UNC93B1: variants seen among roughly 807,000 people sequenced by gnomAD.
UNC93B1 encodes the protein protein unc-93 homolog B1.
Under a neutral mutation model 56.8 loss-of-function variants are expected in UNC93B1, and 33 were observed. The ratio of observed to expected loss-of-function variants is 0.58; its 90% CI spans 0.44 to 0.78. UNC93B1 has a LOEUF of 0.78. Ranked by LOEUF, UNC93B1 falls within the 30% of genes least tolerant of loss-of-function variation. The pLI, the probability that UNC93B1 is intolerant of heterozygous loss-of-function variation, is 0.00. For synonymous variants in UNC93B1, 334 were observed against 358.6 expected, an observed-to-expected ratio of 0.93 and a Z score of 0.77; for missense variants, 673 against 819.5, an observed-to-expected ratio of 0.82 and a Z score of 2.18.
chr11:67,993,862 C>T, intron 9 of UNC93B1, 68 bp from the exon 10 acceptor site: 1 of 1,073,004 alleles, frequency 9.3e-7, no homozygotes, highest in South Asian at 1.3e-5. Flanking sequence ...ACCGAGCTAC[C>T]ATCTACGAAC....
At chr11:68,002,910 T>C in intron 3 of UNC93B1, 112 bp downstream of exon 3, 2 of 1,390,260 alleles carry the variant, frequency 1.4e-6, no homozygotes, top group Non-Finnish European at 1.9e-6. Context: ...ACCTCTCCCT[T>C]GTTCCCTCGC....
chr11:67,994,811 C>T lies in UNC93B1; in HGVS notation c.1363+800G>A, dbSNP rs375925282. ...GGCTACTCCACACCCCCAAGGATGA[C>T]GTTCAAAACTGTTCACAGCTTCGGC... On this transcript the variant is annotated intron_variant, in intron 9 of 10. Transcript: ENST00000227471. Among the ~76,000 whole-genome samples the T allele has an allele frequency of 3.7e-4, 56 of 152,340 alleles. 1 individual carries two copies. The East Asian group carries it at 6.6e-3, about 18-fold the overall frequency.
At chr11:67,996,364 C>A (rs1465401158) in intron 8 of UNC93B1, among the ~76,000 whole-genome samples, 1 of 151,942 alleles carries the variant, frequency 6.6e-6, no homozygotes, top group Non-Finnish European at 1.5e-5. Context: ...CTGTACCCCA[C>A]AAGGAACTAA....
chr11:67,996,901 C>A lies in UNC93B1; in HGVS notation c.907-117G>T, dbSNP rs1208898945. 1.3e-5 allele frequency: 17 copies of A among 1,283,876 alleles called. No homozygotes were observed. In the South Asian group the frequency reaches 2.7e-4, roughly 20 times the overall value. 79.5% of individuals were successfully genotyped at this position (1,283,876 alleles called of 1,614,324 possible). ...GCCTTGCCCCAGCTCGGCCCCGCCT[C>A]CCAAACCAGGGCCCCGCCCCTGAGA... On this transcript the variant is annotated intron_variant, in intron 7 of 10. Coordinates refer to ENST00000227471, the MANE Select transcript of UNC93B1 (RefSeq NM_030930.4).
intron 8 of UNC93B1, 114 bp from the exon 9 acceptor site, chr11:67,995,998 A>G (rs1398886718): frequency 3.5e-6 from 3 of 849,466 alleles, no homozygotes; most frequent in Non-Finnish European, 5.1e-6. Context: ...CCTAAGAGCC[A>G]GGGGGGAAGA....
intron 3 of UNC93B1, among the ~76,000 whole-genome samples, chr11:68,000,995 GA>G (rs1554986132): frequency 1.3e-5 from 2 of 152,080 alleles, no homozygotes; most frequent in Non-Finnish European, 2.9e-5. Flanking sequence ...AGAAGTTTGA[GA>G]CCAGCCTGGC....
chr11:67,993,997 G>T (rs776065994), intron 9 of UNC93B1, among the ~76,000 whole-genome samples: 1 of 152,240 alleles, frequency 6.6e-6, no homozygotes, highest in Non-Finnish European at 1.5e-5. Context: ...CTAAGCAGAA[G>T]TAGGAGCAGG....
rs1227628630 is a variant in UNC93B1 at position 68,003,412 on chromosome 11, G to C, written c.239-237C>G. ...TGCTCCGCCGGCCTCCAATTCTGAC[G>C]GTGGCAGGTCTGTCCGGGAGCCCGG... On this transcript the variant is annotated intron_variant, in intron 2 of 10. Transcript: ENST00000227471. This position sits in a 1 kb window ranked among gnomAD's most constrained non-coding sequence, Gnocchi z 4.4. The C allele has an allele frequency of 1.2e-6, 1 of 807,974 alleles. No homozygotes were observed. Among genetic ancestry groups the C allele is most frequent in the African/African-American group, 1.8e-5 (1 of 55,468 alleles). The allele number at this position is 807,974 out of a possible 1,614,324, so 50.1% of individuals were successfully genotyped here.
At position 67,995,821 on chromosome 11, in the gene UNC93B1, C is replaced by T. The variant is rs1170796957; in HGVS notation, c.1153G>A (p.Gly385Ser). The T allele has an allele frequency of 1.9e-6, 3 of 1,545,866 alleles. No individual in the cohort carries two copies. The highest frequency in any genetic ancestry group is 2.6e-6 in the Non-Finnish European group (3 of 1,146,108). Reference sequence around the variant, plus strand: ...CCCAGGAGTGAGGCGGCTGAGGCGCCCAGGCTGTAAGCCACGAGGAGGTAA... The same window carrying T: ...CCCAGGAGTGAGGCGGCTGAGGCGCTCAGGCTGTAAGCCACGAGGAGGTAA... ...LAYLLVAYSL[G>S]ASAASLLGLL... Residue 385 changes from glycine to serine, a missense_variant, in exon 9 of 11, where the codon GGC (glycine) becomes AGC (serine). Coordinates refer to ENST00000227471, the MANE Select transcript of UNC93B1 (RefSeq NM_030930.4).
At chr11:67,996,475 G>T in intron 8 of UNC93B1, 127 bp downstream of exon 8, 1 of 1,262,360 alleles carries the variant, frequency 7.9e-7, no homozygotes, top group Non-Finnish European at 1.1e-6. Context: ...AAAGCAGGAG[G>T]GGGATATTTG....
At chr11:68,002,049 G>T (rs1857052649) in intron 3 of UNC93B1, among the ~76,000 whole-genome samples, 3 of 152,008 alleles carry the variant, frequency 2.0e-5, no homozygotes, top group Admixed American at 2.0e-4. Flanking sequence ...TGAAGTAGGA[G>T]AATCGCTTGA....
intron 7 of UNC93B1, 89 bp from the exon 8 acceptor site, chr11:67,996,873 T>A: frequency 7.1e-7 from 1 of 1,408,800 alleles, no homozygotes; most frequent in Non-Finnish European, 9.3e-7. Context: ...ACCACGTGCC[T>A]GGGCCTTGCC....
At chr11:68,001,157 T>C (rs1425608010) in intron 3 of UNC93B1, among the ~76,000 whole-genome samples, 2 of 151,348 alleles carry the variant, frequency 1.3e-5, no homozygotes, top group South Asian at 4.2e-4. Flanking sequence ...GATTGTGCCA[T>C]TGCACTCCAG....
At chr11:67,996,930 TC>T in intron 7 of UNC93B1, 146 bp from the exon 8 acceptor site, 2 of 1,002,532 alleles carry the variant, frequency 2.0e-6, no homozygotes, top group Non-Finnish European at 1.4e-6. Context: ...CCTGAGACAC[TC>T]CCACAGACCC....
At chr11:67,997,541 C>T in intron 7 of UNC93B1, 134 bp downstream of exon 7, 1 of 1,465,032 alleles carries the variant, frequency 6.8e-7, no homozygotes, top group Non-Finnish European at 9.1e-7. Context: ...GATCGCGCTC[C>T]CAGGCCTACG....
chr11:67,991,509 C>G lies in UNC93B1; in HGVS notation c.*37G>C. On this transcript the variant is annotated 3_prime_UTR_variant, in exon 11 of 11. Coordinates refer to ENST00000227471, the MANE Select transcript of UNC93B1 (RefSeq NM_030930.4). ...CTCAGACGTGGTAAACTGAGGCCGG[C>G]GAGGAGGGAGGCTGAGTCCGGGGAC... The G allele has an allele frequency of 7.3e-7, 1 of 1,378,422 alleles. No individual in the cohort carries two copies. Among genetic ancestry groups the G allele is most frequent in the Non-Finnish European group, 9.3e-7 (1 of 1,072,182 alleles). 85.4% of individuals were successfully genotyped at this position (1,378,422 alleles called of 1,614,324 possible).
rs1442663723 is a variant in UNC93B1, at chr11:68,003,792, C to T, written c.103G>A (p.Glu35Lys). The T allele has an allele frequency of 6.7e-7, 1 of 1,492,828 alleles. No individual in the cohort carries two copies. The highest frequency in any genetic ancestry group is 1.3e-5 in the South Asian group (1 of 79,458). 92.5% of individuals were successfully genotyped at this position (1,492,828 alleles called of 1,614,324 possible). A position where few individuals can be genotyped will look rare whatever the true frequency, so the allele number is the denominator to read the frequency against. The change falls in exon 2 of 11, where the codon GAG (glutamate) becomes AAG (lysine). Residue 35 changes from glutamate (E) to lysine (K), a missense_variant. This residue lies in a region of UNC93B1 where 438 missense variants were observed against 465.9 expected (regional missense o/e 0.94). Transcript: ENST00000227471. The surrounding 1 kb of genome is among the most constrained non-coding windows in gnomAD (Gnocchi z 4.4). Reference sequence around the variant, plus strand: ...TAGTTGGGGTACGCGCCCACCAGCTCGTCCAGCTGCGAGCCACGCACGCCG... The same window carrying T: ...TAGTTGGGGTACGCGCCCACCAGCTTGTCCAGCTGCGAGCCACGCACGCCG... The part of the protein sequence containing the change: ...VPDGPEAPLD[E>K]LVGAYPNYNE...
intron 3 of UNC93B1, among the ~76,000 whole-genome samples, chr11:68,001,024 G>A (rs11603792): frequency 0.091 from 13,857 of 151,948 alleles, 807 homozygotes; most frequent in Non-Finnish European, 0.12. Context: ...GTGAAACCCC[G>A]TCTTTACTAA....
rs1856844653 is a variant in UNC93B1 at position 67,991,670 on chromosome 11, C to G, written c.1670G>C (p.Gly557Ala). The stretch of plus-strand genomic sequence containing the variant: ...CGGCGCCTCCTCCTCCGCGCCGTCC[C>G]CATGCTCGCCCTCCGCGTCGCTCTC... ...SDESDAEGEH[G>A]DGAEEEAPPA... Residue 557 changes from glycine to alanine, a missense_variant, in exon 11 of 11, where the codon GGG (glycine) becomes GCG (alanine). This residue lies in a region of UNC93B1 where 80 missense variants were observed against 85.3 expected (regional missense o/e 0.94). Transcript: ENST00000227471. The G allele has an allele frequency of 6.5e-7, 1 of 1,530,814 alleles. No homozygotes were observed. Among genetic ancestry groups the G allele is most frequent in the Non-Finnish European group, 8.7e-7 (1 of 1,144,976 alleles). The allele number at this position is 1,530,814 out of a possible 1,614,324, so 94.8% of individuals were successfully genotyped here.
Sources: gnomAD v4.1 joint callset for allele counts (sites outside exome capture counted in the v4.1 genomes callset) on GRCh38, gnomAD v4.1.1 for gene constraint, gnomAD v4.1.1 regional missense constraint, Gnocchi (gnomAD v3.1) non-coding constraint, MANE v1.5 for transcripts, NCBI Gene and HGNC (gene_info 2026-07-23, HGNC 2026-07-21) for gene names.